Variants in PKN3 observed in about 807,000 individuals in gnomAD.
The protein encoded by PKN3 is serine/threonine-protein kinase N3.
A neutral mutation model predicts 113.1 loss-of-function variants in PKN3; 91 were observed. The ratio of observed to expected loss-of-function variants is 0.80; its 90% CI spans 0.68 to 0.96. The LOEUF (loss-of-function observed/expected upper bound fraction) is 0.96, where lower values mean the gene tolerates loss of function less well. Among genes scored for constraint, PKN3 ranks in the 40% least tolerant of loss-of-function variants. PKN3 has a pLI of 0.00. For synonymous variants in PKN3, 467 were observed against 499.0 expected (o/e 0.94, Z 0.85); for missense variants, 1,052 against 1,202.2 (o/e 0.88, Z 1.85).
chr9:128,712,328 G>C (rs751901210), intron 6 of PKN3, among the ~76,000 whole-genome samples: 17 of 152,148 alleles, frequency 1.1e-4, no homozygotes, highest in Non-Finnish European at 2.9e-5. Context: ...GGCCTGCTTC[G>C]TGTCCTCAAA....
At chr9:128,718,981 C>T (rs1425734625) in intron 18 of PKN3, among the ~76,000 whole-genome samples, 1 of 149,096 alleles carries the variant, frequency 6.7e-6, no homozygotes, top group Non-Finnish European at 1.5e-5. Flanking sequence ...CTGCAGCCTC[C>T]ACCTACTGGG....
chr9:128,714,931 A>G, intron 13 of PKN3, 66 bp downstream of exon 13: 1 of 1,448,622 alleles, frequency 6.9e-7, no homozygotes, highest in Non-Finnish European at 9.7e-7. Context: ...TTGTGTATCC[A>G]TTCATACATT....
chr9:128,707,188 C>A, intron 5 of PKN3, 34 bp from the exon 6 acceptor site: 1 of 1,586,644 alleles, frequency 6.3e-7, no homozygotes, highest in East Asian at 2.3e-5. Context: ...GCCATATACC[C>A]CACGAACCTG....
rs1427318951 is a variant in PKN3 at position 128,716,608 on chromosome 9, A to G, written c.1809-139A>G. The G allele has an allele frequency of 8.8e-6, 6 of 678,712 alleles. No homozygotes were observed. In the South Asian group the frequency reaches 9.5e-5, roughly 11 times the overall value. 42.0% of individuals were successfully genotyped at this position (678,712 alleles called of 1,614,324 possible). A position where few individuals can be genotyped will look rare whatever the true frequency, so the allele number is the denominator to read the frequency against. On this transcript the variant is annotated intron_variant, in intron 15 of 21. Transcript: ENST00000291906. ...GCAAGACTGTGTCTCAAAAAAAAAA[A>G]AAAAATGAAAAGAAACCATCAGTCT...
chr9:128,713,219 AG>A, intron 7 of PKN3, 21 bp downstream of exon 7: 1 of 1,609,328 alleles, frequency 6.2e-7, no homozygotes, highest in East Asian at 2.2e-5. Context: ...AAGGAGCTTC[AG>A]GGGGAGCAGG....
At position 128,719,725 on chromosome 9, in the gene PKN3, C is replaced by A; in HGVS notation, c.2165C>A (p.Thr722Asn). The A allele has an allele frequency of 6.3e-7, 1 of 1,588,808 alleles. No individual in the cohort carries two copies. Among genetic ancestry groups the A allele is most frequent in the Non-Finnish European group, 8.6e-7 (1 of 1,166,668 alleles). The change falls in exon 19 of 22, where the codon ACC becomes AAC. Residue 722 changes from threonine to asparagine, a missense_variant. Thr to Asn is a moderately conservative substitution (Grantham distance 65). Transcript: ENST00000291906. ...GACCGGACTAGCACCTTCTGTGGCA[C>A]CCCGGAGTTCCTGGCTCCCGAGGTG... ...FGDRTSTFCGTPEFLAPEVLT... is the reference protein window; with the variant it reads ...FGDRTSTFCGNPEFLAPEVLT...
In PKN3 at chr9:128,720,542, C is replaced by G. The variant is rs756902558; in HGVS notation, c.2606C>G (p.Thr869Ser). 6.2e-7 allele frequency: 1 copy of G among 1,613,578 alleles called. No individual in the cohort carries two copies. The highest frequency in any genetic ancestry group is 1.1e-5 in the South Asian group (1 of 91,088). The change falls in exon 22 of 22, where the codon ACT becomes AGT. Residue 869 changes from threonine (T) to serine (S), a missense_variant. Around this residue, in one of 2 missense-constraint regions of PKN3, gnomAD observed 333 missense variants for 442.8 expected, o/e 0.75. Transcript: ENST00000291906. The surrounding 1 kb of genome is among the most constrained non-coding windows in gnomAD (Gnocchi z 5.5). ...CCACCTGCACCCCACAGCCTCCTCA[C>G]TGCCCGCCAACAGGCCGCCTTCCGG... ...LTPPAPHSLL[T>S]ARQQAAFRDF...
rs1017959525 is a variant in PKN3, at chr9:128,706,568, A to G, written c.412-145A>G. On this transcript the variant is annotated intron_variant, in intron 3 of 21. Coordinates refer to ENST00000291906, the MANE Select transcript of PKN3 (RefSeq NM_013355.5). ...CTCCCCTGACCCACCAACTAGTCCAACAAGGGAGGCTTGACTTTAGTGTTT... is the reference window on the plus strand; with the variant it reads ...CTCCCCTGACCCACCAACTAGTCCAGCAAGGGAGGCTTGACTTTAGTGTTT... 16 of 638,012 alleles carry G rather than the reference A, an allele frequency of 2.5e-5. No individual in the cohort carries two copies. The African/African-American group carries it at 2.9e-4, about 12-fold the overall frequency. 39.5% of individuals were successfully genotyped at this position (638,012 alleles called of 1,614,324 possible). A position where few individuals can be genotyped will look rare whatever the true frequency, so the allele number is the denominator to read the frequency against.
chr9:128,717,983 C>T (rs148756272), intron 16 of PKN3, among the ~76,000 whole-genome samples: 3,111 of 151,260 alleles, frequency 0.021, 108 homozygotes, highest in African/African-American at 0.072. Context: ...TGCAGTGAGC[C>T]GAGATCGCAC....
At position 128,705,400 on chromosome 9, in the gene PKN3, G is replaced by C. The variant is rs528959123; in HGVS notation, c.122G>C (p.Arg41Pro). 34 of 1,597,362 alleles carry C rather than the reference G, an allele frequency of 2.1e-5. No homozygotes were observed. The highest frequency in any genetic ancestry group is 2.6e-5 in the Non-Finnish European group (31 of 1,172,426). Residue 41 changes from arginine (R) to proline (P), a missense_variant, in exon 2 of 22, where the codon CGG becomes CCG. Physicochemically the swap from Arg to Pro is moderately radical, Grantham distance 103. Coordinates refer to ENST00000291906, the MANE Select transcript of PKN3 (RefSeq NM_013355.5). ...ATCAAGGAGGGGGTGGAGAACCTGCGGCGCGTGGCCACAGACCGCCGCCAC... is the reference window on the plus strand; with the variant it reads ...ATCAAGGAGGGGGTGGAGAACCTGCCGCGCGTGGCCACAGACCGCCGCCAC... The part of the protein sequence containing the change: ...LKIKEGVENL[R>P]RVATDRRHLG...
intron 1 of PKN3, chr9:128,704,237 G>A (rs1861942117): frequency 1.3e-6 from 1 of 749,456 alleles, no homozygotes; most frequent in South Asian, 6.0e-5. Context: ...CTGGAAAGGA[G>A]GTGTTCCTGT....
At position 128,715,605 on chromosome 9, in the gene PKN3, CTG is replaced by C. The variant is rs1469686591; in HGVS notation, c.1808+149_1808+150del. 1 of 622,608 alleles carries C rather than the reference CTG, an allele frequency of 1.6e-6. No individual in the cohort carries two copies. Among genetic ancestry groups the C allele is most frequent in the African/African-American group, 1.8e-5 (1 of 54,266 alleles). 38.6% of individuals were successfully genotyped at this position (622,608 alleles called of 1,614,324 possible). A position where few individuals can be genotyped will look rare whatever the true frequency, so the allele number is the denominator to read the frequency against. Reference sequence around the variant, plus strand: ...CTCTTTTGGCACCTGCAGTTGTTAACTGTGTTTCCTTGGGCAGGTCCCCTCTT... The same window carrying C: ...CTCTTTTGGCACCTGCAGTTGTTAACTGTTTCCTTGGGCAGGTCCCCTCTT... On this transcript the variant is annotated intron_variant, in intron 15 of 21. Coordinates refer to ENST00000291906, the MANE Select transcript of PKN3 (RefSeq NM_013355.5). The surrounding 1 kb of genome is among the most constrained non-coding windows in gnomAD (Gnocchi z 4.1).
At position 128,714,044 on chromosome 9, in the gene PKN3, A is replaced by G. The variant is rs761293730; in HGVS notation, c.1237-2A>G. 1 of 1,614,062 alleles carries G rather than the reference A, an allele frequency of 6.2e-7. No individual in the cohort carries two copies. The highest frequency in any genetic ancestry group is 8.5e-7 in the Non-Finnish European group (1 of 1,179,964). On this transcript the variant is annotated splice_acceptor_variant, in intron 9 of 21. Transcript: ENST00000291906. LOFTEE classifies it high-confidence loss of function. The stretch of plus-strand genomic sequence containing the variant: ...TCCACAACCCTGCCCCTACCCCTGC[A>G]GGTGACCTTCTGCGATCCTGTCATT...
intron 1 of PKN3, 24 bp downstream of exon 1, chr9:128,702,963 C>T (rs1408882496): frequency 2.8e-6 from 4 of 1,405,518 alleles, no homozygotes; most frequent in South Asian, 1.4e-5. Context: ...GAGGGGCGCG[C>T]GGGCCCGGGG....
chr9:128,706,966 G>A lies in PKN3; in HGVS notation c.594G>A (p.Lys198=), dbSNP rs747570942. 3 of 1,614,090 alleles carry A rather than the reference G, an allele frequency of 1.9e-6. No homozygotes were observed. The South Asian group carries it at 3.3e-5, about 18-fold the overall frequency. ...HVEAAVAEGA[K]NVVKLLSSRR... ...AGGCAGCTGTGGCTGAGGGCGCCAA[G>A]AACGTGGTGAAACTGCTTAGTAGCC... Residue 198 remains lysine (K), a synonymous_variant, in exon 5 of 22, where the codon AAG becomes AAA. Coordinates refer to ENST00000291906, the MANE Select transcript of PKN3 (RefSeq NM_013355.5).
intron 7 of PKN3, 38 bp from the exon 8 acceptor site, chr9:128,713,240 C>A: frequency 6.2e-7 from 1 of 1,611,644 alleles, no homozygotes; most frequent in Non-Finnish European, 8.5e-7. Flanking sequence ...GAGACCCCTG[C>A]TTCAGGCCTG....
Position 128,715,087 on chromosome 9 carries a change from C to A in PKN3, c.1653-85C>A. On this transcript the variant is annotated intron_variant, in intron 13 of 21. Coordinates refer to ENST00000291906, the MANE Select transcript of PKN3 (RefSeq NM_013355.5). This position sits in a 1 kb window ranked among gnomAD's most constrained non-coding sequence, Gnocchi z 4.1. Reference sequence around the variant, plus strand: ...GCCCATAGGTCGGGACAGCCCAGGACTGGGCATGGGAGGCTTGGAGTGGCT... The same window carrying A: ...GCCCATAGGTCGGGACAGCCCAGGAATGGGCATGGGAGGCTTGGAGTGGCT... The A allele has an allele frequency of 6.3e-6, 9 of 1,418,146 alleles. No homozygotes were observed. The highest frequency in any genetic ancestry group is 9.0e-6 in the Non-Finnish European group (9 of 1,005,076). 87.8% of individuals were successfully genotyped at this position (1,418,146 alleles called of 1,614,324 possible).
chr9:128,711,897 C>G (rs1862188444), intron 6 of PKN3, among the ~76,000 whole-genome samples: 1 of 125,686 alleles, frequency 8.0e-6, no homozygotes, highest in South Asian at 3.1e-4. Flanking sequence ...CCACGCCCGG[C>G]CTCAAGTTTT....
At chr9:128,714,433 G>T in intron 11 of PKN3, 68 bp downstream of exon 11, 1 of 1,370,444 alleles carries the variant, frequency 7.3e-7, no homozygotes, top group South Asian at 1.2e-5. Context: ...GATCCAGGCG[G>T]TATCTGTCTG....
Sources: allele counts gnomAD v4.1 joint callset (sites outside exome capture counted in the v4.1 genomes callset), GRCh38; gene constraint gnomAD v4.1.1; regional missense constraint gnomAD v4.1.1; non-coding constraint Gnocchi (gnomAD v3.1); transcripts MANE v1.5; gene names NCBI Gene and HGNC (gene_info 2026-07-23, HGNC 2026-07-21).